Variants in RGS7 observed in about 807,000 individuals in gnomAD.
The protein encoded by RGS7 is regulator of G-protein signaling 7.
In RGS7, 27 loss-of-function variants were observed where a neutral mutation model predicts 81.1. The observed-to-expected ratio is 0.33, with a 90% CI of 0.25 to 0.46. The LOEUF (loss-of-function observed/expected upper bound fraction) is 0.46. Ranked by LOEUF, RGS7 falls within the 20% of genes least tolerant of loss-of-function variation. The pLI, the probability that RGS7 is intolerant of heterozygous loss-of-function variation, is 1.00. For synonymous variants in RGS7, 208 were observed against 207.7 expected, an observed-to-expected ratio of 1.00 and a Z score of -0.01; for missense variants, 396 against 607.4, an observed-to-expected ratio of 0.65 and a Z score of 3.66.
At chr1:241,064,480 C>T (rs2061943631) in intron 3 of RGS7, among the ~76,000 whole-genome samples, 1 of 150,438 alleles carries the variant, frequency 6.6e-6, no homozygotes, top group Non-Finnish European at 1.5e-5. Context: ...CCCAGCTACA[C>T]AGGAGGTTGA....
intron 6 of RGS7, among the ~76,000 whole-genome samples, chr1:240,886,375 T>C (rs419577): frequency 0.021 from 3,202 of 152,342 alleles, 108 homozygotes; most frequent in African/African-American, 0.074. Context: ...TCTGTGCTCA[T>C]TGAATCTGGA....
At chr1:240,905,581 A>G (rs1293983779) in intron 6 of RGS7, among the ~76,000 whole-genome samples, 2 of 152,230 alleles carry the variant, frequency 1.3e-5, no homozygotes, top group Non-Finnish European at 2.9e-5. Context: ...CAGGATATGA[A>G]GCCCAGTTAG....
At chr1:240,887,503 C>G (rs1667575863) in intron 6 of RGS7, among the ~76,000 whole-genome samples, 1 of 152,156 alleles carries the variant, frequency 6.6e-6, no homozygotes, top group South Asian at 2.1e-4. Flanking sequence ...CCTGGGATTA[C>G]AGGCGTGAGA....
intron 3 of RGS7, among the ~76,000 whole-genome samples, chr1:241,057,527 T>C (rs1306597042): frequency 6.6e-6 from 1 of 152,136 alleles, no homozygotes; most frequent in African/African-American, 2.4e-5. Context: ...ACATTTTAAG[T>C]GGTGGAGATG....
intron 4 of RGS7, among the ~76,000 whole-genome samples, chr1:240,960,785 GAA>G (rs1303740673): frequency 5.9e-5 from 9 of 152,062 alleles, no homozygotes; most frequent in African/African-American, 2.4e-5. Context: ...AATAAATTCT[GAA>G]AGTGGAAACT....
chr1:241,330,031 C>G (rs2148654694), intron 2 of RGS7, among the ~76,000 whole-genome samples: 1 of 152,232 alleles, frequency 6.6e-6, no homozygotes, highest in Admixed American at 6.5e-5. Flanking sequence ...GCTCTGCCTC[C>G]TAGGTTCAAG....
At chr1:240,943,950 A>G (rs1456669697) in intron 4 of RGS7, among the ~76,000 whole-genome samples, 1 of 152,122 alleles carries the variant, frequency 6.6e-6, no homozygotes, top group Non-Finnish European at 1.5e-5. Flanking sequence ...CTAGGACTAA[A>G]AAAAGAAAAT....
At chr1:241,026,074 A>C (rs1306927606) in intron 3 of RGS7, among the ~76,000 whole-genome samples, 1 of 152,186 alleles carries the variant, frequency 6.6e-6, no homozygotes, top group African/African-American at 2.4e-5. Flanking sequence ...CACTCAACAC[A>C]ATGTGTATAA....
At chr1:241,097,413 T>G (rs2064342955) in intron 3 of RGS7, among the ~76,000 whole-genome samples, 1 of 152,012 alleles carries the variant, frequency 6.6e-6, no homozygotes, top group African/African-American at 2.4e-5. Flanking sequence ...CTCCCTCTCT[T>G]CTCTCTGACA....
At chr1:241,064,724 T>TA (rs558511863) in intron 3 of RGS7, among the ~76,000 whole-genome samples, 3,857 of 148,002 alleles carry the variant, frequency 0.026, 142 homozygotes, top group African/African-American at 0.077. Context: ...AGACCTCATT[T>TA]AAAAAAAAAA....
At chr1:240,895,213 T>G in intron 6 of RGS7, among the ~76,000 whole-genome samples, 1 of 152,186 alleles carries the variant, frequency 6.6e-6, no homozygotes, top group East Asian at 1.9e-4. Flanking sequence ...GCACGATGCT[T>G]CCTGAACAGC....
chr1:241,063,030 T>C (rs1234243926), intron 3 of RGS7, among the ~76,000 whole-genome samples: 1 of 152,138 alleles, frequency 6.6e-6, no homozygotes, highest in Non-Finnish European at 1.5e-5. Flanking sequence ...ATAAGTCTTG[T>C]GTAGTCTGAG....
intron 4 of RGS7, among the ~76,000 whole-genome samples, chr1:240,937,420 C>CT (rs1368261943): frequency 6.6e-6 from 1 of 152,154 alleles, no homozygotes; most frequent in Non-Finnish European, 1.5e-5. Context: ...GCTTTTTCTT[C>CT]TTTTTTCAGC....
chr1:241,105,666 A>C (rs2065046920), intron 2 of RGS7, among the ~76,000 whole-genome samples: 1 of 152,198 alleles, frequency 6.6e-6, no homozygotes, highest in African/African-American at 2.4e-5. Context: ...TATTTGCCGG[A>C]ACTTTACCAC....
At chr1:240,886,201 C>T (rs893072793) in intron 6 of RGS7, among the ~76,000 whole-genome samples, 1 of 152,092 alleles carries the variant, frequency 6.6e-6, no homozygotes, top group Non-Finnish European at 1.5e-5. Flanking sequence ...GTCAAGGGTT[C>T]TTAATTTCTC....
intron 2 of RGS7, among the ~76,000 whole-genome samples, chr1:241,182,518 G>A (rs2071709567): frequency 6.6e-6 from 1 of 152,144 alleles, no homozygotes. Context: ...TGCCAGCATA[G>A]AGCTATACTT....
intron 4 of RGS7, among the ~76,000 whole-genome samples, chr1:240,967,134 T>C (rs1027868715): frequency 1.5e-4 from 23 of 152,204 alleles, no homozygotes; most frequent in African/African-American, 5.5e-4. Flanking sequence ...TGTCAAGATA[T>C]CCTTGGAAGT....
At chr1:240,862,127 C>A (rs1306603162) in intron 9 of RGS7, among the ~76,000 whole-genome samples, 1 of 151,976 alleles carries the variant, frequency 6.6e-6, no homozygotes, top group African/African-American at 2.4e-5. Context: ...AGTTAAGAGT[C>A]CTTTTTAGTG....
intron 2 of RGS7, among the ~76,000 whole-genome samples, chr1:241,158,146 G>A (rs771997105): frequency 6.6e-6 from 1 of 152,084 alleles, no homozygotes; most frequent in Non-Finnish European, 1.5e-5. Flanking sequence ...TTAGGACACA[G>A]CCATGCTAAT....
Sources: gnomAD v4.1 joint callset for allele counts (sites outside exome capture counted in the v4.1 genomes callset) on GRCh38, gnomAD v4.1.1 for gene constraint, MANE v1.5 for transcripts, NCBI Gene and HGNC (gene_info 2026-07-23, HGNC 2026-07-21) for gene names.